RABL6: variants seen among roughly 807,000 people sequenced by gnomAD.
RABL6 encodes the protein rab-like protein 6.
A neutral mutation model predicts 72.9 loss-of-function variants in RABL6; 28 were observed. The ratio of observed to expected loss-of-function variants is 0.38; its 90% confidence interval spans 0.28 to 0.53. The LOEUF (loss-of-function observed/expected upper bound fraction) is 0.53. RABL6 is among the 20% of genes least tolerant of loss of function. The pLI is 0.80. For missense variants in RABL6, 1,029 were observed against 1,008.4 expected (o/e 1.02, Z -0.28); for synonymous variants, 477 against 421.2 (o/e 1.13, Z -1.62).
At chr9:136,830,155 C>T (rs745542993) in intron 5 of RABL6, among the ~76,000 whole-genome samples, 67 of 152,366 alleles carry the variant, frequency 4.4e-4, no homozygotes, top group Admixed American at 1.8e-3. Flanking sequence ...GCAGCATGCC[C>T]GACACGTCCA....
chr9:136,840,324 A>G lies in RABL6; in HGVS notation c.1992A>G (p.Glu664=), dbSNP rs1848666373. 5 of 1,585,600 alleles carry G rather than the reference A, an allele frequency of 3.2e-6. No homozygotes were observed. The Middle Eastern group carries it at 5.0e-4, about 158-fold the overall frequency. ...CGCCCCATCCTTGTGCTCCTCAGGA[A>G]GAAGAAAAAGCTGCCAAGAAGAAGA... ...KKKKKKKGKE[E]EEKAAKKKSK... is the part of the protein sequence containing the mutation. Residue 664 remains glutamate, a splice_region_variant and synonymous_variant, in exon 15 of 15, where the codon GAA becomes GAG. Transcript: ENST00000311502.
At chr9:136,821,983 T>C in intron 1 of RABL6, 1 of 1,289,380 alleles carries the variant, frequency 7.8e-7, no homozygotes, top group South Asian at 1.2e-5. Context: ...CGTTGAAAGT[T>C]GGCGCGTTGA....
intron 1 of RABL6, chr9:136,813,526 C>G (rs1400327443): frequency 4.7e-6 from 2 of 427,486 alleles, no homozygotes; most frequent in South Asian, 2.6e-5. Context: ...GAAGTTTTCT[C>G]TGCATTAGCT....
Position 136,839,024 on chromosome 9 carries a change from G to A in RABL6, c.1396G>A (p.Asp466Asn), listed in dbSNP as rs62623567. The A allele has an allele frequency of 8.1e-6, 13 of 1,612,402 alleles. No homozygotes were observed. In the Middle Eastern group the frequency reaches 5.0e-4, roughly 63 times the overall value. ...PLPAGPVPSQ[D>N]ITLSSEEEAE... ...GCCTGCAGGCCCCGTCCCCAGTCAAGACATCACTCTTTCGAGTGAGGAGGA... is the reference window on the plus strand; with the variant it reads ...GCCTGCAGGCCCCGTCCCCAGTCAAAACATCACTCTTTCGAGTGAGGAGGA... The change falls in exon 11 of 15, where the codon GAC becomes AAC. Residue 466 changes from aspartate to asparagine, a missense_variant. Asp to Asn is a conservative substitution (Grantham distance 23). Around this residue, in one of 2 missense-constraint regions of RABL6, gnomAD observed 595 missense variants for 472.4 expected, o/e 1.26. Coordinates refer to ENST00000311502, the MANE Select transcript of RABL6 (RefSeq NM_024718.5).
Position 136,837,552 on chromosome 9 carries a change from C to T in RABL6, c.1016C>T (p.Ser339Leu), listed in dbSNP as rs1027163508. 9 of 1,559,006 alleles carry T rather than the reference C, an allele frequency of 5.8e-6. No individual in the cohort carries two copies. The highest frequency in any genetic ancestry group is 7.8e-6 in the Non-Finnish European group (9 of 1,154,758). ...PPSSVPPVPP[S>L]EALPPPACPS... ...TCCTCTGTGCCCCCTGTACCACCCT[C>T]AGAGGCCCTGCCCCCACCTGCGTGC... Residue 339 changes from serine to leucine, a missense_variant, in exon 9 of 15, where the codon TCA becomes TTA. Coordinates refer to ENST00000311502, the MANE Select transcript of RABL6 (RefSeq NM_024718.5).
chr9:136,840,162 G>A lies in RABL6; in HGVS notation c.1939G>A (p.Gly647Ser), dbSNP rs1848662772. 3 of 1,612,770 alleles carry A rather than the reference G, an allele frequency of 1.9e-6. No homozygotes were observed. Among genetic ancestry groups the A allele is most frequent in the Middle Eastern group, 1.6e-4 (1 of 6,084 alleles). ...PKESSEEGKE[G>S]KTPSKEKKKK... is the part of the protein sequence containing the mutation. ...CTGTCCTGTCTGTGCAGGTAAGGAG[G>A]GCAAAACCCCCTCTAAGGAGAAGAA... The change falls in exon 14 of 15, where the codon GGC becomes AGC. Residue 647 changes from glycine to serine, a missense_variant. By Grantham distance (56) the Gly-to-Ser change is moderately conservative. Transcript: ENST00000311502.
chr9:136,828,572 G>A (rs749775151), intron 4 of RABL6, 26 bp downstream of exon 4: 1 of 1,611,332 alleles, frequency 6.2e-7, no homozygotes, highest in Non-Finnish European at 8.5e-7. Context: ...ACAGTGGGTA[G>A]CAGTGGCTCA....
intron 2 of RABL6, among the ~76,000 whole-genome samples, chr9:136,823,992 G>T (rs1179776380): frequency 6.6e-6 from 1 of 152,220 alleles, no homozygotes; most frequent in Non-Finnish European, 1.5e-5. Flanking sequence ...TGGTGCACAT[G>T]GTATTTTTTC....
At chr9:136,821,421 A>T (rs1848234106) in intron 1 of RABL6, 2 of 985,068 alleles carry the variant, frequency 2.0e-6, no homozygotes, top group Non-Finnish European at 2.4e-6. Context: ...CGGGGCGGGG[A>T]GGCAGGGCCG....
In RABL6 at chr9:136,807,960, T is replaced by G. The variant is rs1167283092; in HGVS notation, c.-237T>G. On this transcript the variant is annotated 5_prime_UTR_variant, in exon 1 of 15. Transcript: ENST00000311502. ...CGAGCCGGCGCCAAGATGGCGGCGCTGACTCCTGGAGAGCGGTCGCGCCGG... is the reference window on the plus strand; with the variant it reads ...CGAGCCGGCGCCAAGATGGCGGCGCGGACTCCTGGAGAGCGGTCGCGCCGG... 10 of 1,000,800 alleles carry G rather than the reference T, an allele frequency of 1.0e-5. No homozygotes were observed. Among genetic ancestry groups the G allele is most frequent in the Non-Finnish European group, 1.2e-5 (10 of 841,848 alleles). 62.0% of individuals were successfully genotyped at this position (1,000,800 alleles called of 1,614,324 possible). A position where few individuals can be genotyped will look rare whatever the true frequency, so the allele number is the denominator to read the frequency against.
intron 8 of RABL6, 147 bp from the exon 9 acceptor site, chr9:136,837,199 T>C (rs1848598452): frequency 1.1e-6 from 1 of 921,846 alleles, no homozygotes; most frequent in Admixed American, 2.0e-5. Context: ...TGGAAGTGGA[T>C]GGGGATGATG....
At chr9:136,820,278 TCAC>T (rs1266837347) in intron 1 of RABL6, among the ~76,000 whole-genome samples, 1 of 151,242 alleles carries the variant, frequency 6.6e-6, no homozygotes, top group Non-Finnish European at 1.5e-5. Flanking sequence ...GGTGGGAGGA[TCAC>T]TTGAGCCCAG....
intron 12 of RABL6, 48 bp from the exon 13 acceptor site, chr9:136,839,646 G>T: frequency 6.4e-7 from 1 of 1,551,950 alleles, no homozygotes. Flanking sequence ...ACAACCCCTG[G>T]GGGTGTGGGA....
At chr9:136,835,428 C>T (rs536458326) in intron 7 of RABL6, 2 of 246,912 alleles carry the variant, frequency 8.1e-6, no homozygotes, top group East Asian at 8.1e-5. Flanking sequence ...GAAGGTGCGG[C>T]TTCTTCACTC....
At chr9:136,825,925 A>G in intron 3 of RABL6, 99 bp downstream of exon 3, 3 of 1,376,906 alleles carry the variant, frequency 2.2e-6, no homozygotes, top group South Asian at 2.4e-5. Flanking sequence ...ATCACCCACC[A>G]TCCTCGTGGA....
In RABL6 at chr9:136,823,559, C is replaced by G; in HGVS notation, c.165C>G (p.Gly55=). ...TGATCCGGGGAGACAGGAACACGGG[C>G]AAGACAGCGCTGTGGCACCGCCTGC... The part of the protein sequence containing the change: ...KIVIRGDRNT[G]KTALWHRLQG... Residue 55 remains glycine (G), a synonymous_variant, in exon 2 of 15, where the codon GGC becomes GGG. Coordinates refer to ENST00000311502, the MANE Select transcript of RABL6 (RefSeq NM_024718.5). The G allele has an allele frequency of 6.2e-7, 1 of 1,613,856 alleles. No individual in the cohort carries two copies. Among genetic ancestry groups the G allele is most frequent in the Non-Finnish European group, 8.5e-7 (1 of 1,179,866 alleles).
In RABL6 at chr9:136,807,963, C is replaced by T. The variant is rs570088341; in HGVS notation, c.-234C>T. 107 of 1,002,502 alleles carry T rather than the reference C, an allele frequency of 1.1e-4. No homozygotes were observed. In the East Asian group the frequency reaches 3.6e-3, roughly 34 times the overall value. The allele number at this position is 1,002,502 out of a possible 1,614,324, so 62.1% of individuals were successfully genotyped here. A position where few individuals can be genotyped will look rare whatever the true frequency, so the allele number is the denominator to read the frequency against. On this transcript the variant is annotated 5_prime_UTR_variant, in exon 1 of 15. Transcript: ENST00000311502. ...GCCGGCGCCAAGATGGCGGCGCTGA[C>T]TCCTGGAGAGCGGTCGCGCCGGAGG...
At chr9:136,839,156 G>A in intron 11 of RABL6, 35 bp downstream of exon 11, 2 of 1,606,900 alleles carry the variant, frequency 1.2e-6, no homozygotes, top group Non-Finnish European at 1.7e-6. Flanking sequence ...GCGGCCTGGA[G>A]ACCCGGGTGG....
At position 136,834,077 on chromosome 9, in the gene RABL6, G is replaced by A. The variant is rs144415079; in HGVS notation, c.706-1665G>A. 3.0e-5 allele frequency: 43 copies of A among 1,415,824 alleles called. 1 individual carries two copies. In the East Asian group the frequency reaches 8.1e-4, roughly 27 times the overall value. The allele number at this position is 1,415,824 out of a possible 1,614,324, so 87.7% of individuals were successfully genotyped here. Reference sequence around the variant, plus strand: ...GTGACTATCCTTTTGCTATGGATGTGTTCAAGCAGATCTGATGTCCTCGCC... The same window carrying A: ...GTGACTATCCTTTTGCTATGGATGTATTCAAGCAGATCTGATGTCCTCGCC... On this transcript the variant is annotated intron_variant, in intron 7 of 14. Coordinates refer to ENST00000311502, the MANE Select transcript of RABL6 (RefSeq NM_024718.5).
Sources: gnomAD v4.1 joint callset for allele counts (sites outside exome capture counted in the v4.1 genomes callset) on GRCh38, gnomAD v4.1.1 for gene constraint, gnomAD v4.1.1 regional missense constraint, MANE v1.5 for transcripts, NCBI Gene and HGNC (gene_info 2026-07-23, HGNC 2026-07-21) for gene names.